Variants in RAP1GAP2 observed in about 807,000 individuals in gnomAD.
RAP1GAP2 encodes RAP1 GTPase activating protein 2.
A neutral mutation model predicts 95.0 loss-of-function variants in RAP1GAP2; 27 were observed. The ratio of observed to expected loss-of-function variants is 0.28; its 90% CI spans 0.21 to 0.39. The LOEUF is 0.39. RAP1GAP2 is among the 10% of genes least tolerant of loss of function. The pLI, the probability that RAP1GAP2 is intolerant of heterozygous loss-of-function variation, is 1.00. For synonymous variants in RAP1GAP2, 373 were observed against 380.9 expected (o/e 0.98, Z 0.24); for missense variants, 771 against 970.0 (o/e 0.79, Z 2.72).
At chr17:2,824,942 C>G (rs1402789752) in intron 2 of RAP1GAP2, among the ~76,000 whole-genome samples, 3 of 151,966 alleles carry the variant, frequency 2.0e-5, no homozygotes, top group Non-Finnish European at 4.4e-5. Flanking sequence ...TGCTGCCTCC[C>G]TGCACCACTT....
At chr17:2,927,570 T>A (rs1003707925) in intron 3 of RAP1GAP2, among the ~76,000 whole-genome samples, 6 of 152,156 alleles carry the variant, frequency 3.9e-5, no homozygotes, top group African/African-American at 9.7e-5. Flanking sequence ...CCTCTTCCCA[T>A]CTCAGGGGCA....
chr17:2,965,635 C>T lies in RAP1GAP2; in HGVS notation c.588C>T (p.Val196=). 6.2e-7 allele frequency: 1 copy of T among 1,606,160 alleles called. No individual in the cohort carries two copies. Among genetic ancestry groups the T allele is most frequent in the Non-Finnish European group, 8.5e-7 (1 of 1,175,964 alleles). The change falls in exon 8 of 25, where the codon GTC becomes GTT. Residue 196 remains valine (V), a synonymous_variant. Transcript: ENST00000254695. This position sits in a 1 kb window ranked among gnomAD's most constrained non-coding sequence, Gnocchi z 4.7. ...EEAEGIEYLR[V]ILRSKLKTVH... ...CAGAGGGGATCGAGTACCTCCGGGT[C>T]ATCCTTAGGTAGGGCTGTTGCGCTG... is the stretch of plus-strand genomic sequence containing the variant.
intron 3 of RAP1GAP2, among the ~76,000 whole-genome samples, chr17:2,923,337 CTT>C (rs1202208099): frequency 1.5e-5 from 2 of 130,656 alleles, no homozygotes. Context: ...CGCGCCCGGC[CTT>C]TTTTTTTTTT....
At chr17:2,926,052 A>G (rs36067176) in intron 3 of RAP1GAP2, among the ~76,000 whole-genome samples, 11,836 of 151,554 alleles carry the variant, frequency 0.078, 513 homozygotes, top group Middle Eastern at 0.13. Flanking sequence ...AGGCAGGAGA[A>G]TAGCTTGAAC....
At chr17:2,860,239 C>T (rs2072321229) in intron 2 of RAP1GAP2, among the ~76,000 whole-genome samples, 1 of 152,190 alleles carries the variant, frequency 6.6e-6, no homozygotes, top group South Asian at 2.1e-4. Flanking sequence ...CAGCTGGGTC[C>T]TGCCCTTTCT....
At chr17:2,992,197 C>A (rs1474062086) in intron 12 of RAP1GAP2, among the ~76,000 whole-genome samples, 1 of 141,964 alleles carries the variant, frequency 7.0e-6, no homozygotes, top group Non-Finnish European at 1.5e-5. Context: ...GAGTCATGCG[C>A]TTTGCCAGGC....
rs2151487792 is a variant in RAP1GAP2 at position 2,963,369 on chromosome 17, G to A, written c.247-61G>A. The stretch of plus-strand genomic sequence containing the variant: ...ATCCCCCTTGCAAGACCTGGAAACA[G>A]TGGTCAGACTTTACGGGCACTGCCG... On this transcript the variant is annotated intron_variant, in intron 5 of 24. Transcript: ENST00000254695. The surrounding 1 kb of genome is among the most constrained non-coding windows in gnomAD (Gnocchi z 4.8). The A allele has an allele frequency of 3.7e-6, 6 of 1,605,140 alleles. No homozygotes were observed. The highest frequency in any genetic ancestry group is 5.1e-6 in the Non-Finnish European group (6 of 1,172,282).
At position 2,817,195 on chromosome 17, in the gene RAP1GAP2, T is replaced by C. The variant is rs2070061261; in HGVS notation, c.80+16645T>C. On this transcript the variant is annotated intron_variant, in intron 2 of 24. Coordinates refer to ENST00000254695, the MANE Select transcript of RAP1GAP2 (RefSeq NM_015085.5). Reference sequence around the variant, plus strand: ...TAGAGATAGAGATAGGGTTTCGCCATGATGGCCAGGCTGGTCTTGAACTCC... The same window carrying C: ...TAGAGATAGAGATAGGGTTTCGCCACGATGGCCAGGCTGGTCTTGAACTCC... Among the ~76,000 whole-genome samples, 5 of 119,482 alleles carry C rather than the reference T, an allele frequency of 4.2e-5. 1 individual carries two copies. The highest frequency in any genetic ancestry group is 3.2e-4 in the Admixed American group (4 of 12,364). The allele number at this position is 119,482 out of a possible 152,430, so 78.4% of individuals were successfully genotyped here.
At chr17:2,780,091 T>C (rs756526847) in intron 1 of RAP1GAP2, among the ~76,000 whole-genome samples, 76 of 152,270 alleles carry the variant, frequency 5.0e-4, no homozygotes, top group African/African-American at 9.9e-4. Context: ...GCTCTTGTTG[T>C]CCAGGCTGGA....
At chr17:2,846,787 G>C (rs557995695) in intron 2 of RAP1GAP2, among the ~76,000 whole-genome samples, 3 of 152,136 alleles carry the variant, frequency 2.0e-5, no homozygotes, top group African/African-American at 7.2e-5. Context: ...TCTAACCCAG[G>C]TTCGTCTGAC....
intron 2 of RAP1GAP2, chr17:2,854,178 G>A (rs2072025144): frequency 6.1e-6 from 6 of 978,586 alleles, no homozygotes; most frequent in Non-Finnish European, 7.3e-6. Context: ...GGACTTTTCC[G>A]ATGGGTGTTT....
At position 2,783,470 on chromosome 17, in the gene RAP1GAP2, TAATG is replaced by T. The variant is rs1393080384; in HGVS notation, c.-14+6199_-14+6202del. Among the ~76,000 whole-genome samples, 3 of 152,292 alleles carry T rather than the reference TAATG, an allele frequency of 2.0e-5. No individual in the cohort carries two copies. The East Asian group carries it at 5.8e-4, about 29-fold the overall frequency. On this transcript the variant is annotated intron_variant, in intron 1 of 24. Transcript: ENST00000540393. The stretch of plus-strand genomic sequence containing the variant: ...ATAAACATTTGATGAATGAATGAAT[TAATG>T]AATGAAGAGAGGACTGACTCCAGAC...
chr17:2,801,247 G>C (rs1216725515), intron 2 of RAP1GAP2, among the ~76,000 whole-genome samples: 1 of 151,518 alleles, frequency 6.6e-6, no homozygotes, highest in African/African-American at 2.4e-5. Flanking sequence ...GGCCGAGGTG[G>C]GTGGATCACC....
intron 2 of RAP1GAP2, among the ~76,000 whole-genome samples, chr17:2,828,479 A>T (rs931979087): frequency 1.3e-5 from 2 of 149,422 alleles, no homozygotes; most frequent in Non-Finnish European, 3.0e-5. Context: ...AGCCAGTGTG[A>T]AGCTGTCTGG....
intron 1 of RAP1GAP2, chr17:2,755,818 G>A: frequency 2.9e-6 from 1 of 349,366 alleles, no homozygotes; most frequent in Non-Finnish European, 5.2e-6. Flanking sequence ...GAACCCCGAG[G>A]CCCGGCCGGC....
At chr17:2,939,208 C>T (rs1190522589) in intron 3 of RAP1GAP2, among the ~76,000 whole-genome samples, 3 of 152,016 alleles carry the variant, frequency 2.0e-5, no homozygotes, top group Non-Finnish European at 4.4e-5. Flanking sequence ...CTCTGCCTCA[C>T]TCCCCCGAGT....
rs930444687 is a variant in RAP1GAP2, at chr17:3,036,481, G to A, written c.*3120G>A. On this transcript the variant is annotated 3_prime_UTR_variant, in exon 25 of 25. Transcript: ENST00000254695. ...TGGAGGTGAGCAGTCAAGGATGCTG[G>A]TGAGGCTGCAGTTTCTGCTCTTTTT... 1.3e-5 allele frequency: 2 copies of A among 152,336 alleles called. No individual in the cohort carries two copies. Among genetic ancestry groups the A allele is most frequent in the African/African-American group, 4.8e-5 (2 of 41,448 alleles). The allele number at this position is 152,336 out of a possible 1,614,324, so 9.4% of individuals were successfully genotyped here.
chr17:2,963,278 A>G lies in RAP1GAP2; in HGVS notation c.247-152A>G. 1.2e-6 allele frequency: 1 copy of G among 862,428 alleles called. No homozygotes were observed. The highest frequency in any genetic ancestry group is 1.5e-5 in the South Asian group (1 of 66,568). The allele number at this position is 862,428 out of a possible 1,614,324, so 53.4% of individuals were successfully genotyped here. A position where few individuals can be genotyped will look rare whatever the true frequency, so the allele number is the denominator to read the frequency against. On this transcript the variant is annotated intron_variant, in intron 5 of 24. Coordinates refer to ENST00000254695, the MANE Select transcript of RAP1GAP2 (RefSeq NM_015085.5). The surrounding 1 kb of genome is among the most constrained non-coding windows in gnomAD (Gnocchi z 4.8). ...TGGAGAAGAACATGGGGGATGTTAG[A>G]TTCCAGAGCTGATTCTGAGCTGTTC... is the stretch of plus-strand genomic sequence containing the variant.
At chr17:2,756,752 C>T (rs1275561251) in intron 1 of RAP1GAP2, among the ~76,000 whole-genome samples, 1 of 152,102 alleles carries the variant, frequency 6.6e-6, no homozygotes, top group Non-Finnish European at 1.5e-5. Flanking sequence ...CCAGCACCTC[C>T]CGTGGCTCTG....
Sources: gnomAD v4.1 joint callset for allele counts (sites outside exome capture counted in the v4.1 genomes callset) on GRCh38, gnomAD v4.1.1 for gene constraint, Gnocchi (gnomAD v3.1) non-coding constraint, MANE v1.5 for transcripts, NCBI Gene and HGNC (gene_info 2026-07-23, HGNC 2026-07-21) for gene names.